MEIKIN: variants seen among roughly 807,000 people sequenced by gnomAD.
MEIKIN encodes the protein meiosis-specific kinetochore protein.
intron 9 of MEIKIN, among the ~76,000 whole-genome samples, chr5:131,864,978 T>G (rs571368843): frequency 1.3e-5 from 2 of 152,326 alleles, no homozygotes; most frequent in African/African-American, 4.8e-5. Flanking sequence ...CTGAGATTCT[T>G]TCCTCTGTTT....
chr5:131,842,203 G>A (rs1281075400), intron 11 of MEIKIN, among the ~76,000 whole-genome samples: 1 of 152,082 alleles, frequency 6.6e-6, no homozygotes, highest in African/African-American at 2.4e-5. Flanking sequence ...TTGACCTCGT[G>A]ATCTGCCTGC....
At chr5:131,936,337 C>T (rs757849601) in intron 4 of MEIKIN, among the ~76,000 whole-genome samples, 14 of 152,324 alleles carry the variant, frequency 9.2e-5, no homozygotes, top group Admixed American at 2.6e-4. Flanking sequence ...ATTTTCTACT[C>T]GCTAGAGACA....
At chr5:131,885,041 G>T (rs1750755655) in intron 8 of MEIKIN, among the ~76,000 whole-genome samples, 1 of 152,132 alleles carries the variant, frequency 6.6e-6, no homozygotes. Flanking sequence ...ACTGCTAAGG[G>T]TTTTCACTCT....
At chr5:131,920,797 G>T (rs938944737) in intron 6 of MEIKIN, among the ~76,000 whole-genome samples, 10 of 151,696 alleles carry the variant, frequency 6.6e-5, no homozygotes, top group African/African-American at 2.4e-4. Flanking sequence ...GGGCTCAAGC[G>T]ATCCTCTCAT....
chr5:131,857,224 T>C (rs1393792750), intron 9 of MEIKIN, among the ~76,000 whole-genome samples: 1 of 152,194 alleles, frequency 6.6e-6, no homozygotes, highest in Non-Finnish European at 1.5e-5. Context: ...TAAAAACATT[T>C]CCAGCACTTC....
At chr5:131,922,806 C>T (rs1040967599) in intron 5 of MEIKIN, among the ~76,000 whole-genome samples, 32 of 152,192 alleles carry the variant, frequency 2.1e-4, no homozygotes, top group African/African-American at 6.0e-4. Flanking sequence ...TATAAAAATG[C>T]TGTTTACTCT....
At chr5:131,849,159 G>A (rs1480009002) in intron 11 of MEIKIN, among the ~76,000 whole-genome samples, 1 of 152,090 alleles carries the variant, frequency 6.6e-6, no homozygotes, top group African/African-American at 2.4e-5. Context: ...CTGGTGGGAG[G>A]TGACTGGATC....
intron 9 of MEIKIN, among the ~76,000 whole-genome samples, chr5:131,863,819 C>T (rs1488694509): frequency 6.6e-6 from 1 of 152,072 alleles, no homozygotes; most frequent in East Asian, 1.9e-4. Flanking sequence ...GAATACGTCT[C>T]ATGAGATCTG....
intron 8 of MEIKIN, among the ~76,000 whole-genome samples, chr5:131,887,448 C>A (rs955555105): frequency 6.6e-5 from 10 of 152,126 alleles, no homozygotes; most frequent in Admixed American, 3.9e-4. Context: ...CTAATTTACA[C>A]TCCCACCAAC....
chr5:131,807,111 T>C lies in MEIKIN; in HGVS notation c.*125A>G, dbSNP rs1440513971. 7.6e-6 allele frequency: 3 copies of C among 396,120 alleles called. No individual in the cohort carries two copies. The highest frequency in any genetic ancestry group is 2.1e-5 in the African/African-American group (1 of 48,536). The allele number at this position is 396,120 out of a possible 1,614,324, so 24.5% of individuals were successfully genotyped here. ...AGTAGAATTTCAACATAGAGATATA[T>C]CACAAATAACTGGAGAATTTTTAAT... On this transcript the variant is annotated 3_prime_UTR_variant, in exon 13 of 13. Coordinates refer to ENST00000442687, the MANE Select transcript of MEIKIN (RefSeq NM_001303622.2).
At chr5:131,930,591 C>T (rs1163281402) in intron 5 of MEIKIN, among the ~76,000 whole-genome samples, 1 of 152,084 alleles carries the variant, frequency 6.6e-6, no homozygotes, top group Non-Finnish European at 1.5e-5. Flanking sequence ...TCTTCTTGAG[C>T]TAGTGTGCTG....
chr5:131,842,903 T>C (rs1040598607), intron 11 of MEIKIN, among the ~76,000 whole-genome samples: 8 of 152,242 alleles, frequency 5.3e-5, no homozygotes, highest in Non-Finnish European at 1.2e-4. Flanking sequence ...AGGTTTTCCA[T>C]GAGGGCTCTG....
intron 8 of MEIKIN, among the ~76,000 whole-genome samples, chr5:131,882,920 ACCT>A (rs901508894): frequency 5.9e-4 from 89 of 151,988 alleles, no homozygotes; most frequent in African/African-American, 2.1e-3. Flanking sequence ...TCAGGCTCTC[ACCT>A]CCTCAGAGAG....
intron 9 of MEIKIN, among the ~76,000 whole-genome samples, chr5:131,861,802 C>G (rs1317841045): frequency 1.3e-5 from 2 of 152,054 alleles, no homozygotes; most frequent in Non-Finnish European, 2.9e-5. Context: ...GTATAAAACC[C>G]ACTTAATCAG....
chr5:131,873,452 T>C (rs936832690), intron 9 of MEIKIN, among the ~76,000 whole-genome samples: 3 of 152,176 alleles, frequency 2.0e-5, no homozygotes, highest in Non-Finnish European at 4.4e-5. Flanking sequence ...GAACTAACTA[T>C]CCTAAATATA....
chr5:131,835,937 G>A (rs1749798584), intron 11 of MEIKIN, among the ~76,000 whole-genome samples: 1 of 152,088 alleles, frequency 6.6e-6, no homozygotes, highest in African/African-American at 2.4e-5. Flanking sequence ...TACAGGTAGA[G>A]GTTTGTTATT....
At chr5:131,897,498 T>G (rs1751073290) in intron 8 of MEIKIN, among the ~76,000 whole-genome samples, 1 of 152,214 alleles carries the variant, frequency 6.6e-6, no homozygotes, top group Non-Finnish European at 1.5e-5. Flanking sequence ...CTTGGTTCCA[T>G]TCTCCCCATC....
At chr5:131,862,284 T>C (rs527608447) in intron 9 of MEIKIN, among the ~76,000 whole-genome samples, 8 of 152,278 alleles carry the variant, frequency 5.3e-5, no homozygotes, top group Admixed American at 3.9e-4. Flanking sequence ...GTGGTATCAG[T>C]AGTAACGTCT....
In MEIKIN at chr5:131,823,365, G is replaced by A. The variant is rs145805882; in HGVS notation, c.976-4502C>T. 5.9e-5 allele frequency among the ~76,000 whole-genome samples: 9 copies of A among 151,982 alleles called. No homozygotes were observed. In the East Asian group the frequency reaches 1.6e-3, roughly 26 times the overall value. ...GATATTTTCTAGATTTCATAGGTGT[G>A]CTTCATTCTTTATTCTTTCTTCTTT... On this transcript the variant is annotated intron_variant, in intron 11 of 12. Coordinates refer to ENST00000442687, the MANE Select transcript of MEIKIN (RefSeq NM_001303622.2).
Sources: allele counts gnomAD v4.1 joint callset (sites outside exome capture counted in the v4.1 genomes callset), GRCh38; gene constraint gnomAD v4.1.1; transcripts MANE v1.5; gene names NCBI Gene and HGNC (gene_info 2026-07-23, HGNC 2026-07-21).